The following EFNA5 variants were observed in gnomAD, a reference collection of about 807,000 sequenced individuals.
The protein encoded by EFNA5 is ephrin A5, also known as ephrin-A5.
In EFNA5, 5 loss-of-function variants were observed where a neutral mutation model predicts 22.9. The ratio of observed to expected loss-of-function variants is 0.22; its 90% CI spans 0.11 to 0.46. The LOEUF is 0.46. Ranked by LOEUF, EFNA5 falls within the 20% of genes least tolerant of loss-of-function variation. The pLI is 0.99. For missense variants in EFNA5, 237 were observed against 293.3 expected (o/e 0.81, Z 1.40); for synonymous variants, 113 against 112.2 (o/e 1.01, Z -0.04).
intron 1 of EFNA5, among the ~76,000 whole-genome samples, chr5:107,600,282 A>C (rs948112956): frequency 3.9e-5 from 6 of 152,318 alleles, no homozygotes; most frequent in African/African-American, 1.2e-4. Context: ...AAATGTGGGC[A>C]ACTGTAATGG....
intron 1 of EFNA5, among the ~76,000 whole-genome samples, chr5:107,495,642 G>A (rs746038043): frequency 2.2e-4 from 34 of 152,278 alleles, no homozygotes; most frequent in Admixed American, 5.9e-4. Context: ...GGGAACACGA[G>A]GAAGTATGAC....
intron 1 of EFNA5, among the ~76,000 whole-genome samples, chr5:107,532,038 C>T (rs565741463): frequency 1.3e-5 from 2 of 152,288 alleles, no homozygotes; most frequent in South Asian, 4.1e-4. Context: ...CAAATAGATG[C>T]CCCTTTCTGA....
intron 1 of EFNA5, among the ~76,000 whole-genome samples, chr5:107,468,378 G>T (rs1351494077): frequency 2.0e-5 from 3 of 152,212 alleles, no homozygotes; most frequent in Non-Finnish European, 1.5e-5. Context: ...AGGGAAGGGT[G>T]TTTATAAGAA....
chr5:107,468,120 A>G (rs1369464281), intron 1 of EFNA5, among the ~76,000 whole-genome samples: 1 of 152,238 alleles, frequency 6.6e-6, no homozygotes, highest in Admixed American at 6.5e-5. Context: ...AGAGTTATGC[A>G]AAATGTGCTT....
rs1384792902 is a variant in EFNA5, at chr5:107,427,266, G to A, written c.369C>T (p.Pro123=). The A allele has an allele frequency of 6.2e-7, 1 of 1,614,126 alleles. No homozygotes were observed. The highest frequency in any genetic ancestry group is 2.2e-5 in the East Asian group (1 of 44,860). The change falls in exon 2 of 5, where the codon CCC becomes CCT. Residue 123 remains proline (P), a synonymous_variant. Transcript: ENST00000333274. ...GCCTGAATTCAAATCCTAGAGAAAAGGGAGTGAAGAGCTGGAATTTTTCAG... is the reference window on the plus strand; with the variant it reads ...GCCTGAATTCAAATCCTAGAGAAAAAGGAGTGAAGAGCTGGAATTTTTCAG... ...KFSEKFQLFT[P]FSLGFEFRPG... is the part of the protein sequence containing the mutation.
In EFNA5 at chr5:107,394,374, T is replaced by C. The variant is rs559324291; in HGVS notation, c.419-6603A>G. Among the ~76,000 whole-genome samples the C allele has an allele frequency of 2.0e-5, 3 of 152,322 alleles. No individual in the cohort carries two copies. In the South Asian group the frequency reaches 6.2e-4, roughly 32 times the overall value. ...GATAGAGGCCTTGGAGAAATAAGAA[T>C]ATCATGTAAATATTAGAAACTTTGA... On this transcript the variant is annotated intron_variant, in intron 2 of 4. Coordinates refer to ENST00000333274, the MANE Select transcript of EFNA5 (RefSeq NM_001962.3).
intron 1 of EFNA5, among the ~76,000 whole-genome samples, chr5:107,580,737 A>AAG (rs550944566): frequency 0.029 from 4,170 of 144,180 alleles, 223 homozygotes; most frequent in African/African-American, 0.1. Flanking sequence ...AAAAAAAAAA[A>AAG]AAAGAAAAGA....
intron 1 of EFNA5, among the ~76,000 whole-genome samples, chr5:107,644,908 T>C (rs1424159739): frequency 6.6e-6 from 1 of 152,056 alleles, no homozygotes; most frequent in African/African-American, 2.4e-5. Context: ...TCCAGGTTGG[T>C]CAGGCCGGTC....
intron 1 of EFNA5, among the ~76,000 whole-genome samples, chr5:107,556,183 A>C (rs2112472664): frequency 6.6e-6 from 1 of 152,314 alleles, no homozygotes; most frequent in South Asian, 2.1e-4. Flanking sequence ...CAGACCTGGC[A>C]CTCACAGTTT....
intron 4 of EFNA5, among the ~76,000 whole-genome samples, chr5:107,382,668 C>T (rs548231589): frequency 6.6e-6 from 1 of 152,286 alleles, no homozygotes; most frequent in East Asian, 1.9e-4. Context: ...CTATACCTGG[C>T]CACTTGTGCT....
intron 1 of EFNA5, among the ~76,000 whole-genome samples, chr5:107,518,070 T>C (rs995331524): frequency 7.2e-5 from 11 of 152,066 alleles, no homozygotes; most frequent in African/African-American, 2.4e-4. Context: ...ATATTTCAAA[T>C]ACAAAATTAG....
At chr5:107,544,329 C>T (rs935871367) in intron 1 of EFNA5, among the ~76,000 whole-genome samples, 49 of 152,240 alleles carry the variant, frequency 3.2e-4, no homozygotes, top group African/African-American at 1.0e-3. Context: ...TCTCTCAACG[C>T]GTAGTGCACA....
chr5:107,496,350 A>AC (rs1336385956), intron 1 of EFNA5, among the ~76,000 whole-genome samples: 3 of 149,676 alleles, frequency 2.0e-5, no homozygotes, highest in African/African-American at 5.0e-5. Flanking sequence ...AAAAAAAAAA[A>AC]AAACAAAAAA....
At chr5:107,577,914 G>A (rs2112492144) in intron 1 of EFNA5, among the ~76,000 whole-genome samples, 1 of 152,292 alleles carries the variant, frequency 6.6e-6, no homozygotes, top group African/African-American at 2.4e-5. Flanking sequence ...TGCTGTGGAA[G>A]ACTTCCTGAA....
chr5:107,439,535 G>A (rs1028582378), intron 1 of EFNA5, among the ~76,000 whole-genome samples: 4 of 152,148 alleles, frequency 2.6e-5, no homozygotes, highest in Non-Finnish European at 4.4e-5. Context: ...GGCCAGAAAG[G>A]AAGGGAGCAA....
At position 107,612,908 on chromosome 5, in the gene EFNA5, G is replaced by T. The variant is rs146311651; in HGVS notation, c.125+57581C>A. Among the ~76,000 whole-genome samples the T allele has an allele frequency of 4.5e-3, 687 of 152,202 alleles. 9 individuals are homozygous for T. Among genetic ancestry groups the T allele is most frequent in the African/African-American group, 0.014 (602 of 41,556 alleles). The stretch of plus-strand genomic sequence containing the variant: ...TAAAGGAAATAACCTTCTAGACATA[G>T]AAACTCAGTAGCAAAACAGGGAATA... On this transcript the variant is annotated intron_variant, in intron 1 of 4. Transcript: ENST00000333274.
intron 1 of EFNA5, among the ~76,000 whole-genome samples, chr5:107,660,024 C>A (rs2112559591): frequency 6.6e-6 from 1 of 151,722 alleles, no homozygotes; most frequent in South Asian, 2.1e-4. Context: ...ACCCCCTCAA[C>A]ACACACCACC....
At chr5:107,604,604 AT>A (rs1446066988) in intron 1 of EFNA5, among the ~76,000 whole-genome samples, 1 of 152,230 alleles carries the variant, frequency 6.6e-6, no homozygotes, top group Non-Finnish European at 1.5e-5. Context: ...TAAGAAAAAA[AT>A]AATTAGAACT....
chr5:107,536,199 T>G (rs1294599452), intron 1 of EFNA5, among the ~76,000 whole-genome samples: 1 of 152,212 alleles, frequency 6.6e-6, no homozygotes, highest in African/African-American at 2.4e-5. Context: ...GAGAAGCAGC[T>G]AAGTTTAATA....
Sources: gnomAD v4.1 joint callset for allele counts (sites outside exome capture counted in the v4.1 genomes callset) on GRCh38, gnomAD v4.1.1 for gene constraint, MANE v1.5 for transcripts, NCBI Gene and HGNC (gene_info 2026-07-23, HGNC 2026-07-21) for gene names.